The following PREX1 variants were observed in gnomAD, a reference collection of about 807,000 sequenced individuals.
PREX1 encodes the protein phosphatidylinositol-3,4,5-trisphosphate dependent Rac exchange factor 1.
PREX1 carries 41 observed loss-of-function variants against 198.3 expected under a neutral mutation model. The ratio of observed to expected loss-of-function variants is 0.21; its 90% confidence interval spans 0.16 to 0.27. The LOEUF (loss-of-function observed/expected upper bound fraction) is 0.27, where lower values mean the gene tolerates loss of function less well. Among genes scored for constraint, PREX1 ranks in the 10% least tolerant of loss-of-function variants. The pLI is 1.00. For synonymous variants in PREX1, 843 were observed against 887.2 expected (o/e 0.95, Z 0.89); for missense variants, 1,620 against 2,200.7 (o/e 0.74, Z 5.28).
intron 1 of PREX1, among the ~76,000 whole-genome samples, chr20:48,807,981 G>A (rs898053936): frequency 5.3e-5 from 8 of 152,174 alleles, no homozygotes; most frequent in African/African-American, 9.6e-5. Context: ...CTTGCAAGCC[G>A]ACTCCTGAGC....
intron 1 of PREX1, among the ~76,000 whole-genome samples, chr20:48,793,109 G>C (rs550182606): frequency 2.6e-5 from 4 of 152,226 alleles, no homozygotes; most frequent in East Asian, 3.9e-4. Context: ...GAAGGCTGAG[G>C]GGGGAGAATT....
chr20:48,630,750 G>T lies in PREX1; in HGVS notation c.4571C>A (p.Thr1524Asn), dbSNP rs374942872. 3 of 1,600,496 alleles carry T rather than the reference G, an allele frequency of 1.9e-6. No individual in the cohort carries two copies. Among genetic ancestry groups the T allele is most frequent in the Non-Finnish European group, 2.6e-6 (3 of 1,167,664 alleles). ...ERSNLPTDAS[T>N]TAVKIDQLIR... ...TACCTGGTCTATCTTTACCGCCGTGGTGCTGGCATCCGTGGGCAGGTTAGA... is the reference window on the plus strand; with the variant it reads ...TACCTGGTCTATCTTTACCGCCGTGTTGCTGGCATCCGTGGGCAGGTTAGA... The change falls in exon 36 of 40, where the codon ACC becomes AAC. Residue 1524 changes from threonine to asparagine, a missense_variant. Around this residue, in one of 7 missense-constraint regions of PREX1, gnomAD observed 476 missense variants for 603.4 expected, o/e 0.79. Transcript: ENST00000371941.
intron 30 of PREX1, among the ~76,000 whole-genome samples, chr20:48,639,184 C>T (rs1186904076): frequency 2.0e-5 from 3 of 152,352 alleles, no homozygotes; most frequent in African/African-American, 4.8e-5. Flanking sequence ...GAAAGCACCT[C>T]GGCCCCACGT....
chr20:48,785,231 C>T (rs942880780), intron 1 of PREX1, among the ~76,000 whole-genome samples: 3 of 152,200 alleles, frequency 2.0e-5, no homozygotes, highest in East Asian at 3.8e-4. Context: ...ATTTCTATTT[C>T]GATGAAGCAT....
At chr20:48,782,863 G>C (rs1035329498) in intron 1 of PREX1, among the ~76,000 whole-genome samples, 3 of 152,212 alleles carry the variant, frequency 2.0e-5, no homozygotes, top group African/African-American at 7.2e-5. Flanking sequence ...GGGAGAAGAA[G>C]TGAACAGGCG....
chr20:48,737,625 C>T (rs1184254293), intron 3 of PREX1, among the ~76,000 whole-genome samples: 2 of 152,160 alleles, frequency 1.3e-5, no homozygotes, highest in East Asian at 3.8e-4. Context: ...AGCACATGAC[C>T]CAGACAAAAC....
At chr20:48,730,408 A>C (rs1311112056) in intron 4 of PREX1, among the ~76,000 whole-genome samples, 1 of 137,774 alleles carries the variant, frequency 7.3e-6, no homozygotes, top group African/African-American at 3.0e-5. Context: ...GCTGCGCAAA[A>C]GCCACCACAC....
rs1480528714 is a variant in PREX1 at position 48,704,876 on chromosome 20, T to TAC, written c.783+3382_783+3383dup. ...AGGCTTGTTTCTTTCTTCTTAAGAG[T>TAC]ACACATTTCCTTTTTTATCACTGTG... On this transcript the variant is annotated intron_variant, in intron 6 of 39. Coordinates refer to ENST00000371941, the MANE Select transcript of PREX1 (RefSeq NM_020820.4). 2.6e-5 allele frequency among the ~76,000 whole-genome samples: 4 copies of TAC among 152,276 alleles called. No homozygotes were observed. The East Asian group carries it at 7.7e-4, about 29-fold the overall frequency.
intron 23 of PREX1, 146 bp downstream of exon 23, chr20:48,650,748 G>A (rs1001469795): frequency 3.4e-5 from 37 of 1,089,808 alleles, no homozygotes; most frequent in Middle Eastern, 3.1e-4. Flanking sequence ...GTTCACCTCC[G>A]TCCTTTTCAG....
At chr20:48,856,681 A>T in the PREX1 span, among the ~76,000 whole-genome samples, 1 of 152,102 alleles carries the variant, frequency 6.6e-6, no homozygotes, top group African/African-American at 2.4e-5. Flanking sequence ...CAAGAGGGGG[A>T]TGAGACTCTT....
At chr20:48,692,875 C>G in intron 7 of PREX1, 85 bp from the exon 8 acceptor site, 1 of 1,137,216 alleles carries the variant, frequency 8.8e-7, no homozygotes, top group Non-Finnish European at 1.3e-6. Context: ...GAACACAACA[C>G]TGAGGGGCAT....
At chr20:48,634,157 TGGATGGATGGA>T in intron 33 of PREX1, among the ~76,000 whole-genome samples, 1 of 126,550 alleles carries the variant, frequency 7.9e-6, no homozygotes, top group South Asian at 2.7e-4. Context: ...GATGGATGGA[TGGATGGATGGA>T]TGGATGCATG....
intron 1 of PREX1, among the ~76,000 whole-genome samples, chr20:48,791,493 A>C (rs1164071192): frequency 6.6e-6 from 1 of 152,212 alleles, no homozygotes; most frequent in East Asian, 1.9e-4. Flanking sequence ...ATAAGCACCC[A>C]ATATGAGCAA....
intron 1 of PREX1, among the ~76,000 whole-genome samples, chr20:48,764,950 T>C (rs1226217713): frequency 6.6e-6 from 1 of 151,860 alleles, no homozygotes; most frequent in Non-Finnish European, 1.5e-5. Flanking sequence ...AGGAAACGGA[T>C]TCTCCCCAGA....
intron 33 of PREX1, among the ~76,000 whole-genome samples, chr20:48,633,621 G>A (rs372543955): frequency 3.7e-4 from 57 of 152,292 alleles, no homozygotes; most frequent in African/African-American, 1.2e-3. Flanking sequence ...GGCTGGGCCG[G>A]AGAATATGCC....
chr20:48,720,628 T>G (rs2089980920), intron 5 of PREX1, among the ~76,000 whole-genome samples: 1 of 152,078 alleles, frequency 6.6e-6, no homozygotes, highest in African/African-American at 2.4e-5. Flanking sequence ...ACATAAAGTC[T>G]GCTCTGGTGC....
At chr20:48,774,186 A>G (rs939554687) in intron 1 of PREX1, among the ~76,000 whole-genome samples, 1 of 152,236 alleles carries the variant, frequency 6.6e-6, no homozygotes, top group East Asian at 1.9e-4. Flanking sequence ...CTGGTGAAGG[A>G]GACAGACCGT....
chr20:48,638,813 C>G (rs2089386245), intron 30 of PREX1, among the ~76,000 whole-genome samples: 1 of 152,222 alleles, frequency 6.6e-6, no homozygotes. Flanking sequence ...CCATTTGACA[C>G]AGGAAGAAGC....
chr20:48,637,582 G>A (rs1166722883), intron 31 of PREX1, 129 bp downstream of exon 31: 2 of 950,756 alleles, frequency 2.1e-6, no homozygotes, highest in South Asian at 2.0e-5. Context: ...CAAGTTTCAA[G>A]TAGCTCTTGG....
Sources: allele counts gnomAD v4.1 joint callset (sites outside exome capture counted in the v4.1 genomes callset), GRCh38; gene constraint gnomAD v4.1.1; regional missense constraint gnomAD v4.1.1; transcripts MANE v1.5; gene names NCBI Gene and HGNC (gene_info 2026-07-23, HGNC 2026-07-21).